The following HEATR4 variants were observed in gnomAD, a reference collection of about 807,000 sequenced individuals.
HEATR4 encodes the protein HEAT repeat-containing protein 4.
Under a neutral mutation model 108.8 loss-of-function variants are expected in HEATR4, and 95 were observed. The ratio of observed to expected loss-of-function variants is 0.87; its 90% CI spans 0.74 to 1.04. The LOEUF is 1.04. Ranked by LOEUF, HEATR4 falls within the 50% of genes least tolerant of loss-of-function variation. HEATR4 has a pLI of 0.00. For synonymous variants in HEATR4, 443 were observed against 459.4 expected (o/e 0.96, Z 0.46); for missense variants, 1,152 against 1,253.8 (o/e 0.92, Z 1.23).
At chr14:73,499,676 TGGGG>T (rs1886318681) in intron 12 of HEATR4, among the ~76,000 whole-genome samples, 3 of 152,156 alleles carry the variant, frequency 2.0e-5, no homozygotes, top group African/African-American at 7.2e-5. Flanking sequence ...TCTACAGATC[TGGGG>T]CCATATGGCT....
At chr14:73,488,032 G>C (rs909508502) in intron 17 of HEATR4, among the ~76,000 whole-genome samples, 1 of 152,182 alleles carries the variant, frequency 6.6e-6, no homozygotes. Context: ...GGGCACCTAG[G>C]TAGATTTTGA....
intron 8 of HEATR4, 71 bp downstream of exon 8, chr14:73,509,241 A>G (rs1887048227): frequency 9.1e-6 from 13 of 1,430,052 alleles, no homozygotes; most frequent in Non-Finnish European, 1.3e-5. Context: ...TGGAGAGGAA[A>G]GGACTGGGAA....
the HEATR4 span, among the ~76,000 whole-genome samples, chr14:73,589,403 T>C: frequency 6.6e-6 from 1 of 152,162 alleles, no homozygotes; most frequent in African/African-American, 2.4e-5. Context: ...TACTGCAACC[T>C]CTGCCTGCCA....
At chr14:73,579,203 C>T in the HEATR4 span, among the ~76,000 whole-genome samples, 53,211 of 142,750 alleles carry the variant, frequency 0.37, 11,069 homozygotes, top group East Asian at 0.84. Flanking sequence ...TTGCAGTGAG[C>T]CGAGATCACG....
intron 17 of HEATR4, chr14:73,491,414 G>A (rs1431228523): frequency 1.5e-6 from 2 of 1,349,308 alleles, no homozygotes; most frequent in African/African-American, 1.5e-5. Context: ...CGCGCGCCTG[G>A]TGGAGGTGCC....
chr14:73,592,042 C>T, the HEATR4 span: 4 of 1,461,478 alleles, frequency 2.7e-6, no homozygotes, highest in Non-Finnish European at 3.6e-6. Context: ...GGCCTGGCCC[C>T]GGAGCAGCGG....
chr14:73,613,948 G>C, the HEATR4 span, among the ~76,000 whole-genome samples: 1 of 150,822 alleles, frequency 6.6e-6, no homozygotes, highest in East Asian at 1.9e-4. Flanking sequence ...CCAGCACTTT[G>C]GGAGGCTGAG....
chr14:73,572,351 A>G, the HEATR4 span, among the ~76,000 whole-genome samples: 1 of 152,018 alleles, frequency 6.6e-6, no homozygotes, highest in Admixed American at 6.6e-5. Flanking sequence ...AAAGAAAAAA[A>G]AAGAATCAAC....
chr14:73,591,839 C>G, the HEATR4 span: 1 of 1,006,340 alleles, frequency 9.9e-7, no homozygotes, highest in Non-Finnish European at 1.3e-6. Context: ...TGGGACTGCT[C>G]AGCCACCGGC....
At chr14:73,521,177 T>A in intron 3 of HEATR4, 138 bp from the exon 4 acceptor site, 1 of 742,058 alleles carries the variant, frequency 1.3e-6, no homozygotes, top group South Asian at 1.8e-5. Context: ...CACCAATGTT[T>A]AACTTTTAGC....
chr14:73,616,362 G>C, the HEATR4 span, among the ~76,000 whole-genome samples: 16 of 151,600 alleles, frequency 1.1e-4, no homozygotes, highest in African/African-American at 3.9e-4. Context: ...CTGTCACCCA[G>C]GCTGGAGTGC....
the HEATR4 span, chr14:73,613,025 C>A: frequency 1.2e-6 from 1 of 844,256 alleles, no homozygotes; most frequent in Non-Finnish European, 1.7e-6. Flanking sequence ...CTTCCTGCCG[C>A]CGGATGAGTA....
Position 73,493,103 on chromosome 14 carries a change from C to G in HEATR4, c.2807G>C (p.Arg936Thr). ...TTCAGTGTCACAAACCTCGGAAGGTCTTCTAGGAAGAACCATCTCATCTAG... is the reference window on the plus strand; with the variant it reads ...TTCAGTGTCACAAACCTCGGAAGGTGTTCTAGGAAGAACCATCTCATCTAG... The part of the protein sequence containing the change: ...TFQDEMVLPR[R>T]PSEVCDTEAV... Residue 936 changes from arginine to threonine, a missense_variant, in exon 17 of 18, where the codon AGA becomes ACA. Transcript: ENST00000553558. The G allele has an allele frequency of 6.2e-7, 1 of 1,610,394 alleles. No individual in the cohort carries two copies. Among genetic ancestry groups the G allele is most frequent in the Non-Finnish European group, 8.5e-7 (1 of 1,179,544 alleles).
the HEATR4 span, among the ~76,000 whole-genome samples, chr14:73,585,606 T>C: frequency 3.3e-5 from 5 of 151,646 alleles, no homozygotes; most frequent in African/African-American, 1.2e-4. Flanking sequence ...TGAGAGTCAC[T>C]TGGAACCCAG....
At chr14:73,626,089 T>C in the HEATR4 span, among the ~76,000 whole-genome samples, 2 of 152,202 alleles carry the variant, frequency 1.3e-5, no homozygotes, top group Non-Finnish European at 2.9e-5. Flanking sequence ...AAAACATCCT[T>C]ATGGCTGATT....
chr14:73,605,393 C>T, the HEATR4 span, among the ~76,000 whole-genome samples: 2 of 152,020 alleles, frequency 1.3e-5, no homozygotes, highest in Non-Finnish European at 2.9e-5. Flanking sequence ...GTAGGCTGAA[C>T]TAACTTTGGG....
rs1460584022 is a variant in HEATR4 at position 73,536,587 on chromosome 14, G to C, written c.-151-6343C>G. 1.8e-5 allele frequency among the ~76,000 whole-genome samples: 2 copies of C among 109,960 alleles called. 1 individual carries two copies. Among genetic ancestry groups the C allele is most frequent in the Non-Finnish European group, 3.9e-5 (2 of 51,302 alleles). 72.1% of individuals were successfully genotyped at this position (109,960 alleles called of 152,430 possible). A position where few individuals can be genotyped will look rare whatever the true frequency, so the allele number is the denominator to read the frequency against. On this transcript the variant is annotated intron_variant, in intron 1 of 17. Transcript: ENST00000553558. ...TGACTGGGACAAAAATGAGAAACCAGTATAAGAAAATAATAACTATTGGCC... is the reference window on the plus strand; with the variant it reads ...TGACTGGGACAAAAATGAGAAACCACTATAAGAAAATAATAACTATTGGCC...
chr14:73,535,511 C>T (rs1888838689), intron 1 of HEATR4, among the ~76,000 whole-genome samples: 1 of 67,788 alleles, frequency 1.5e-5, no homozygotes, highest in Non-Finnish European at 2.9e-5. Flanking sequence ...TTTTTTTGCC[C>T]AGGCTGGAGT....
the HEATR4 span, among the ~76,000 whole-genome samples, chr14:73,567,216 C>A: frequency 1.3e-5 from 2 of 152,168 alleles, no homozygotes; most frequent in African/African-American, 4.8e-5. Flanking sequence ...GGATTACAGG[C>A]GTGAGCCATC....
Sources: allele counts gnomAD v4.1 joint callset (sites outside exome capture counted in the v4.1 genomes callset), GRCh38; gene constraint gnomAD v4.1.1; transcripts MANE v1.5; gene names NCBI Gene and HGNC (gene_info 2026-07-23, HGNC 2026-07-21).